UNC13A: variants seen among roughly 807,000 people sequenced by gnomAD.
The protein encoded by UNC13A is protein unc-13 homolog A.
Under a neutral mutation model 219.7 loss-of-function variants are expected in UNC13A, and 61 were observed. The observed-to-expected ratio is 0.28, with a 90% CI of 0.23 to 0.34. UNC13A has a LOEUF of 0.34. Among genes scored for constraint, UNC13A ranks in the 10% least tolerant of loss-of-function variants. UNC13A has a pLI of 1.00. For synonymous variants in UNC13A, 920 were observed against 884.6 expected (o/e 1.04, Z -0.71); for missense variants, 1,476 against 2,270.3 (o/e 0.65, Z 7.11).
chr19:17,676,472 G>A (rs571732799), intron 1 of UNC13A, among the ~76,000 whole-genome samples: 2 of 152,292 alleles, frequency 1.3e-5, no homozygotes, highest in African/African-American at 2.4e-5. Flanking sequence ...GGCAGATGGT[G>A]GGAGAGGCCT....
At chr19:17,669,209 T>A (rs1485404700) in intron 5 of UNC13A, among the ~76,000 whole-genome samples, 1 of 152,174 alleles carries the variant, frequency 6.6e-6, no homozygotes, top group African/African-American at 2.4e-5. Flanking sequence ...TCTCTCTTTG[T>A]CTCTCTGTCT....
chr19:17,635,957 A>C, intron 26 of UNC13A, 67 bp downstream of exon 26: 1 of 1,521,712 alleles, frequency 6.6e-7, no homozygotes, highest in Non-Finnish European at 8.9e-7. Context: ...TTGACACACA[A>C]GACACAAAGT....
rs2079282249 is a variant in UNC13A, at chr19:17,648,368, G to C, written c.1816+63C>G. 5 of 857,612 alleles carry C rather than the reference G, an allele frequency of 5.8e-6. No homozygotes were observed. In the East Asian group the frequency reaches 3.8e-4, roughly 65 times the overall value. 53.1% of individuals were successfully genotyped at this position (857,612 alleles called of 1,614,324 possible). ...TCGCCTTGCCCTTCAGCCTTTCCCC[G>C]CCATGCAAGCCCCGGGGCTCCCCAC... is the stretch of plus-strand genomic sequence containing the variant. On this transcript the variant is annotated intron_variant, in intron 16 of 43. Coordinates refer to ENST00000519716, the MANE Select transcript of UNC13A (RefSeq NM_001080421.3).
rs2076518003 is a variant in UNC13A, at chr19:17,605,801, G to A, written c.*253C>T. The stretch of plus-strand genomic sequence containing the variant: ...TCAAAATGCCCCCTAGGTGCTGGGG[G>A]CGTGGCCTCAAGTTGGGGATGTGGC... On this transcript the variant is annotated 3_prime_UTR_variant, in exon 44 of 44. Transcript: ENST00000519716. The A allele has an allele frequency of 6.9e-6, 3 of 435,154 alleles. No individual in the cohort carries two copies. Among genetic ancestry groups the A allele is most frequent in the Middle Eastern group, 5.9e-4 (1 of 1,684 alleles). 27.0% of individuals were successfully genotyped at this position (435,154 alleles called of 1,614,324 possible).
chr19:17,618,389 C>T (rs1381386177), intron 40 of UNC13A, 32 bp downstream of exon 40: 4 of 1,555,226 alleles, frequency 2.6e-6, no homozygotes, highest in East Asian at 4.8e-5. Flanking sequence ...CTACATCCCC[C>T]ACCTGGGATG....
At chr19:17,640,412 G>T in intron 22 of UNC13A, 99 bp downstream of exon 22, 1 of 1,390,742 alleles carries the variant, frequency 7.2e-7, no homozygotes, top group Non-Finnish European at 9.5e-7. Flanking sequence ...AAGTCACACA[G>T]CAATCAGGTC....
At chr19:17,616,550 GGA>G (rs1350793536) in intron 41 of UNC13A, 1 of 640,852 alleles carries the variant, frequency 1.6e-6, no homozygotes, top group African/African-American at 1.8e-5. Context: ...TGAGGATGGA[GGA>G]GTGTGTGTGG....
chr19:17,611,380 C>T (rs1386167967), intron 42 of UNC13A, among the ~76,000 whole-genome samples: 1 of 152,134 alleles, frequency 6.6e-6, no homozygotes, highest in Non-Finnish European at 1.5e-5. Flanking sequence ...AACAGGGTTT[C>T]ACCATGTTGG....
chr19:17,605,748 A>G lies in UNC13A; in HGVS notation c.*306T>C. 1 of 339,060 alleles carries G rather than the reference A, an allele frequency of 2.9e-6. No homozygotes were observed. Among genetic ancestry groups the G allele is most frequent in the Non-Finnish European group, 5.3e-6 (1 of 188,442 alleles). 21.0% of individuals were successfully genotyped at this position (339,060 alleles called of 1,614,324 possible). On this transcript the variant is annotated 3_prime_UTR_variant, in exon 44 of 44. Transcript: ENST00000519716. ...AGAGCCCCGGGATGTGGCCTCCTCC[A>G]TAGGGACGAGGTTTCCCCCATCCCA... is the stretch of plus-strand genomic sequence containing the variant.
intron 41 of UNC13A, among the ~76,000 whole-genome samples, chr19:17,617,046 C>T (rs1266273293): frequency 6.6e-6 from 1 of 152,164 alleles, no homozygotes; most frequent in East Asian, 1.9e-4. Flanking sequence ...CACCCTCCCC[C>T]ACCAAGTCGA....
intron 26 of UNC13A, among the ~76,000 whole-genome samples, chr19:17,634,044 C>T (rs1028777048): frequency 6.6e-6 from 1 of 151,968 alleles, no homozygotes; most frequent in Non-Finnish European, 1.5e-5. Context: ...CACTCAACCA[C>T]TCATCTACCT....
In UNC13A at chr19:17,656,036, A is replaced by C. The variant is rs1306852816; in HGVS notation, c.1130T>G (p.Leu377Arg). Residue 377 changes from leucine to arginine, a missense_variant, in exon 10 of 44, where the codon CTC becomes CGC. Physicochemically the swap from Leu to Arg is moderately radical, Grantham distance 102. This residue lies in a region of UNC13A where 351 missense variants were observed against 342.6 expected (regional missense o/e 1.02). Transcript: ENST00000519716. ...AEPKDFKRIS[L>R]PPAAPGKEDK... is the part of the protein sequence containing the mutation. The stretch of plus-strand genomic sequence containing the variant: ...CTCCTTCCCTGGGGCAGCTGGCGGG[A>C]GGCTGATGCGTTTGAAGTCTTTGGG... The C allele has an allele frequency of 1.9e-6, 3 of 1,564,554 alleles. No homozygotes were observed. In the African/African-American group the frequency reaches 4.1e-5, roughly 21 times the overall value.
Position 17,656,293 on chromosome 19 carries a change from G to A in UNC13A, c.873C>T (p.Asp291=), listed in dbSNP as rs996783615. ...DPDEHSLQGS[D]MEDERDRDSY... ...AGTCCCGGTCCCGCTCATCCTCCAT[G>A]TCGGAGCCCTGCAGGCTGTGCTCGT... Residue 291 remains aspartate (D), a synonymous_variant, in exon 10 of 44, where the codon GAC becomes GAT. Transcript: ENST00000519716. 1.6e-5 allele frequency: 25 copies of A among 1,553,158 alleles called. No homozygotes were observed. The highest frequency in any genetic ancestry group is 4.9e-5 in the East Asian group (2 of 41,050).
chr19:17,621,746 CTGCCCAGGTGCA>C, intron 37 of UNC13A, 74 bp downstream of exon 37: 1 of 1,472,730 alleles, frequency 6.8e-7, no homozygotes, highest in South Asian at 1.1e-5. Context: ...GCTGCCCTTC[CTGCCCAGGTGCA>C]CAGACGCACA....
At chr19:17,650,576 T>G (rs1469903647) in intron 12 of UNC13A, among the ~76,000 whole-genome samples, 1 of 151,840 alleles carries the variant, frequency 6.6e-6, no homozygotes, top group Non-Finnish European at 1.5e-5. Context: ...CTCCCAGGTT[T>G]AAGCAATTCT....
intron 28 of UNC13A, among the ~76,000 whole-genome samples, chr19:17,632,502 C>T (rs1022837802): frequency 2.0e-5 from 3 of 152,230 alleles, no homozygotes; most frequent in African/African-American, 7.2e-5. Context: ...TCCAATTTCT[C>T]CTCCGCAAAA....
At chr19:17,669,039 TC>T (rs567064503) in intron 5 of UNC13A, among the ~76,000 whole-genome samples, 1 of 151,250 alleles carries the variant, frequency 6.6e-6, no homozygotes, top group East Asian at 1.9e-4. Flanking sequence ...CAAATGATCC[TC>T]CCCCCTTGGC....
chr19:17,663,392 T>A (rs2079586962), intron 8 of UNC13A, 140 bp downstream of exon 8: 1 of 650,526 alleles, frequency 1.5e-6, no homozygotes, highest in South Asian at 1.7e-5. Context: ...TTGAAAGGGG[T>A]CTTGCTGAGC....
Position 17,630,810 on chromosome 19 carries a change from G to A in UNC13A, c.3429-60C>T, listed in dbSNP as rs377198314. On this transcript the variant is annotated intron_variant, in intron 28 of 43. Transcript: ENST00000519716. ...TCTTGTCCTCCTCAACCTCTGCGCC[G>A]CCTGGTTCTGACCCACTAACGAGTG... The A allele has an allele frequency of 1.9e-3, 2,786 of 1,501,116 alleles. 12 individuals are homozygous for A. Among genetic ancestry groups the A allele is most frequent in the South Asian group, 9.9e-3 (858 of 87,100 alleles). The allele number at this position is 1,501,116 out of a possible 1,614,324, so 93.0% of individuals were successfully genotyped here. A position where few individuals can be genotyped will look rare whatever the true frequency, so the allele number is the denominator to read the frequency against.
Sources: gnomAD v4.1 joint callset for allele counts (sites outside exome capture counted in the v4.1 genomes callset) on GRCh38, gnomAD v4.1.1 for gene constraint, gnomAD v4.1.1 regional missense constraint, MANE v1.5 for transcripts, NCBI Gene and HGNC (gene_info 2026-07-23, HGNC 2026-07-21) for gene names.